CWF19L1: variants seen among roughly 807,000 people sequenced by gnomAD.
CWF19L1 encodes CWF19 like cell cycle control factor 1, also known as CWF19-like protein 1.
Under a neutral mutation model 69.7 loss-of-function variants are expected in CWF19L1, and 60 were observed. The ratio of observed to expected loss-of-function variants is 0.86; its 90% CI spans 0.70 to 1.07. CWF19L1 has a LOEUF of 1.07. CWF19L1 is among the 50% of genes least tolerant of loss of function. The probability of loss-of-function intolerance (pLI) is 0.00; values close to 1 mark genes in which losing one functional copy is unlikely to be tolerated. For missense variants in CWF19L1, 591 were observed against 638.9 expected, an observed-to-expected ratio of 0.92 and a Z score of 0.81; for synonymous variants, 209 against 222.2, an observed-to-expected ratio of 0.94 and a Z score of 0.53.
At chr10:100,234,495 G>A (rs749527951) in intron 13 of CWF19L1, among the ~76,000 whole-genome samples, 8 of 152,132 alleles carry the variant, frequency 5.3e-5, no homozygotes, top group Non-Finnish European at 1.2e-4. Flanking sequence ...ATCTGTTGCT[G>A]AGGCAACAAC....
At chr10:100,247,820 T>C (rs1168582860) in intron 7 of CWF19L1, among the ~76,000 whole-genome samples, 1 of 151,982 alleles carries the variant, frequency 6.6e-6, no homozygotes, top group Non-Finnish European at 1.5e-5. Context: ...CGCTTGAACA[T>C]GGGAGGTGGA....
chr10:100,236,864 A>G lies in CWF19L1; in HGVS notation c.1360T>C (p.Ser454Pro). ...CCCTGTTTCACCTGCTTGATGTCAG[A>G]GTGCTCTGGGATTTCCAACAGCTCT... is the stretch of plus-strand genomic sequence containing the variant. The part of the protein sequence containing the change: ...QIELLEIPEH[S>P]DIKQIAQPGA... The change falls in exon 12 of 14, where the codon TCT becomes CCT. Residue 454 changes from serine to proline, a missense_variant. This residue lies in a region of CWF19L1 where 458 missense variants were observed against 489.3 expected (regional missense o/e 0.94). Transcript: ENST00000354105. 6.3e-7 allele frequency: 1 copy of G among 1,599,654 alleles called. No individual in the cohort carries two copies. Among genetic ancestry groups the G allele is most frequent in the African/African-American group, 1.3e-5 (1 of 74,180 alleles).
Sources: allele counts gnomAD v4.1 joint callset (sites outside exome capture counted in the v4.1 genomes callset), GRCh38; gene constraint gnomAD v4.1.1; regional missense constraint gnomAD v4.1.1; transcripts MANE v1.5; gene names NCBI Gene and HGNC (gene_info 2026-07-23, HGNC 2026-07-21).